DAPK3: variants seen among roughly 807,000 people sequenced by gnomAD.
DAPK3 encodes death-associated protein kinase 3.
DAPK3 carries 24 observed loss-of-function variants against 30.6 expected under a neutral mutation model. The ratio of observed to expected loss-of-function variants is 0.78; its 90% confidence interval spans 0.57 to 1.10. DAPK3 has a LOEUF of 1.10. Ranked by LOEUF, DAPK3 falls within the 50% of genes least tolerant of loss-of-function variation. The pLI is 0.00. For synonymous variants in DAPK3, 341 were observed against 284.0 expected, an observed-to-expected ratio of 1.20 and a Z score of -2.02; for missense variants, 629 against 657.3, an observed-to-expected ratio of 0.96 and a Z score of 0.47.
intron 2 of DAPK3, among the ~76,000 whole-genome samples, 183 bp from the exon 3 acceptor site, chr19:3,965,174 C>T (rs1431974103): frequency 6.6e-6 from 1 of 152,192 alleles, no homozygotes; most frequent in Non-Finnish European, 1.5e-5. Context: ...AATTCCTTAG[C>T]GCCCCACACC....
At chr19:3,965,899 C>G (rs2039573411) in intron 2 of DAPK3, among the ~76,000 whole-genome samples, 1 of 152,062 alleles carries the variant, frequency 6.6e-6, no homozygotes, top group Admixed American at 6.6e-5. Context: ...CTCCTGGGCT[C>G]AAGTGATCCC....
At chr19:3,963,576 A>G in intron 6 of DAPK3, 67 bp downstream of exon 6, 1 of 1,035,252 alleles carries the variant, frequency 9.7e-7, no homozygotes, top group Non-Finnish European at 1.4e-6. Context: ...TCCACATGAG[A>G]CACACGGAGC....
At chr19:3,965,090 G>A (rs111857872) in intron 2 of DAPK3, 99 bp from the exon 3 acceptor site, 126 of 673,914 alleles carry the variant, frequency 1.9e-4, no homozygotes, top group Middle Eastern at 1.8e-3. Flanking sequence ...TCTTGGGCGC[G>A]GCCCTGCACC....
chr19:3,964,153 A>T, intron 4 of DAPK3, 91 bp downstream of exon 4: 2 of 1,200,728 alleles, frequency 1.7e-6, no homozygotes, highest in Non-Finnish European at 2.4e-6. Context: ...AGGACGCGGC[A>T]CCCAGCACCG....
rs1407051336 is a variant in DAPK3 at position 3,959,042 on chromosome 19, A to G, written c.*59T>C. On this transcript the variant is annotated 3_prime_UTR_variant, in exon 9 of 9. Coordinates refer to ENST00000545797, the MANE Select transcript of DAPK3 (RefSeq NM_001348.3). ...GATGGGAGGCGCAGCGTCCACAGGA[A>G]GCGCCCCCACCGCAGGCCGAGCTCC... 1.8e-6 allele frequency: 2 copies of G among 1,123,262 alleles called. No homozygotes were observed. Among genetic ancestry groups the G allele is most frequent in the African/African-American group, 3.2e-5 (2 of 62,094 alleles). 69.6% of individuals were successfully genotyped at this position (1,123,262 alleles called of 1,614,324 possible).
chr19:3,966,829 C>T (rs2039581851), intron 2 of DAPK3, among the ~76,000 whole-genome samples: 1 of 151,956 alleles, frequency 6.6e-6, no homozygotes, highest in African/African-American at 2.4e-5. Flanking sequence ...CAGCCGCCCA[C>T]CTCCAGACAG....
chr19:3,966,873 A>G (rs1346918400), intron 2 of DAPK3, among the ~76,000 whole-genome samples: 1 of 152,188 alleles, frequency 6.6e-6, no homozygotes, highest in Non-Finnish European at 1.5e-5. Flanking sequence ...CTTGCTCCTT[A>G]GAGGCAAGGC....
At chr19:3,965,642 G>C (rs750820399) in intron 2 of DAPK3, among the ~76,000 whole-genome samples, 1 of 129,020 alleles carries the variant, frequency 7.8e-6, no homozygotes, top group Non-Finnish European at 1.6e-5. Flanking sequence ...TGCAAGGCAA[G>C]TGCCAGATCC....
rs1436909389 is a variant in DAPK3, at chr19:3,958,786, C to T, written c.*315G>A. ...GCCTGAACCAGGGCTGCATTCGGGC[C>T]GCCTCTGCGCCTCGGTGGGTCCCAA... On this transcript the variant is annotated 3_prime_UTR_variant, in exon 9 of 9. Transcript: ENST00000545797. 5 of 546,930 alleles carry T rather than the reference C, an allele frequency of 9.1e-6. No individual in the cohort carries two copies. In the East Asian group the frequency reaches 1.6e-4, roughly 18 times the overall value. The allele number at this position is 546,930 out of a possible 1,614,324, so 33.9% of individuals were successfully genotyped here. A position where few individuals can be genotyped will look rare whatever the true frequency, so the allele number is the denominator to read the frequency against.
intron 7 of DAPK3, 71 bp downstream of exon 7, chr19:3,960,938 C>A: frequency 6.5e-7 from 1 of 1,543,362 alleles, no homozygotes; most frequent in South Asian, 1.2e-5. Flanking sequence ...GGAGAGTCCT[C>A]TGGAGCCTCC....
Position 3,959,430 on chromosome 19 carries a change from G to C in DAPK3, c.1036C>G (p.Arg346Gly), listed in dbSNP as rs1397582555. ...TCCACGTCCTCGTGGCAGAGCCGCC[G>C]GCTGCGCTGCAGCTCGCGCAGGCCC... ...EEGLRELQRS[R>G]RLCHEDVEAL... Residue 346 changes from arginine (R) to glycine (G), a missense_variant, in exon 9 of 9, where the codon CGG becomes GGG. By Grantham distance (125) the Arg-to-Gly change is moderately radical (BLOSUM62 -2). Around this residue, in one of 2 missense-constraint regions of DAPK3, gnomAD observed 323 missense variants for 278.8 expected, o/e 1.16. Transcript: ENST00000545797. 2.6e-6 allele frequency: 4 copies of C among 1,552,054 alleles called. No individual in the cohort carries two copies. Among genetic ancestry groups the C allele is most frequent in the Admixed American group, 1.9e-5 (1 of 52,886 alleles).
chr19:3,960,610 C>G (rs939640708), intron 7 of DAPK3, among the ~76,000 whole-genome samples: 2 of 151,956 alleles, frequency 1.3e-5, no homozygotes, highest in Admixed American at 6.6e-5. Flanking sequence ...GAAGCCCTGT[C>G]TCTACTAAAA....
Position 3,959,429 on chromosome 19 carries a change from C to G in DAPK3, c.1037G>C (p.Arg346Pro). 2 of 1,552,034 alleles carry G rather than the reference C, an allele frequency of 1.3e-6. No individual in the cohort carries two copies. Among genetic ancestry groups the G allele is most frequent in the Non-Finnish European group, 1.7e-6 (2 of 1,155,584 alleles). ...CTCCACGTCCTCGTGGCAGAGCCGC[C>G]GGCTGCGCTGCAGCTCGCGCAGGCC... ...EEGLRELQRSRRLCHEDVEAL... is the reference protein window; with the variant it reads ...EEGLRELQRSPRLCHEDVEAL... The change falls in exon 9 of 9, where the codon CGG becomes CCG. Residue 346 changes from arginine to proline, a missense_variant. Physicochemically the swap from Arg to Pro is moderately radical, Grantham distance 103. Transcript: ENST00000545797.
intron 2 of DAPK3, among the ~76,000 whole-genome samples, chr19:3,967,345 G>A (rs537394170): frequency 2.0e-5 from 3 of 152,210 alleles, no homozygotes; most frequent in East Asian, 1.9e-4. Context: ...CCAGCTACTC[G>A]GGAGGCTGAG....
In DAPK3 at chr19:3,959,121, C is replaced by G. The variant is rs1435109615; in HGVS notation, c.1345G>C (p.Val449Leu). 1 of 1,565,628 alleles carries G rather than the reference C, an allele frequency of 6.4e-7. No homozygotes were observed. Among genetic ancestry groups the G allele is most frequent in the South Asian group, 1.1e-5 (1 of 87,054 alleles). ...TGCGCCTAGCGCAGCCCGCACTCCACGCCCTGCAGCTTCTCCTGCTCCAGG... is the reference window on the plus strand; with the variant it reads ...TGCGCCTAGCGCAGCCCGCACTCCAGGCCCTGCAGCTTCTCCTGCTCCAGG... ...RALEQEKLQGVECGLR is the reference protein window; with the variant it reads ...RALEQEKLQGLECGLR The change falls in exon 9 of 9, where the codon GTG becomes CTG. Residue 449 changes from valine (V) to leucine (L), a missense_variant. Physicochemically the swap from Val to Leu is conservative, Grantham distance 32. Around this residue, in one of 2 missense-constraint regions of DAPK3, gnomAD observed 323 missense variants for 278.8 expected, o/e 1.16. Coordinates refer to ENST00000545797, the MANE Select transcript of DAPK3 (RefSeq NM_001348.3).
chr19:3,958,839 C>T lies in DAPK3; in HGVS notation c.*262G>A. Reference sequence around the variant, plus strand: ...CTCACGGTGCCACAGGCCACGCTGCCTGGAGGGTCCCAGGGTCACCGACGA... The same window carrying T: ...CTCACGGTGCCACAGGCCACGCTGCTTGGAGGGTCCCAGGGTCACCGACGA... On this transcript the variant is annotated 3_prime_UTR_variant, in exon 9 of 9. Transcript: ENST00000545797. 1 of 581,178 alleles carries T rather than the reference C, an allele frequency of 1.7e-6. No individual in the cohort carries two copies. The highest frequency in any genetic ancestry group is 3.1e-6 in the Non-Finnish European group (1 of 325,972). The allele number at this position is 581,178 out of a possible 1,614,324, so 36.0% of individuals were successfully genotyped here.
chr19:3,969,771 G>A lies in DAPK3; in HGVS notation c.-36C>T. On this transcript the variant is annotated 5_prime_UTR_variant, in exon 2 of 9. Transcript: ENST00000545797. ...CCGCCTTCCAGCAGCTTCCACTCCA[G>A]GGAAAGTGCAGTCACCGCAGCCTGG... 1 of 1,550,700 alleles carries A rather than the reference G, an allele frequency of 6.4e-7. No individual in the cohort carries two copies. Among genetic ancestry groups the A allele is most frequent in the Non-Finnish European group, 8.9e-7 (1 of 1,125,492 alleles).
intron 2 of DAPK3, among the ~76,000 whole-genome samples, chr19:3,969,009 A>G (rs2039607796): frequency 6.6e-6 from 1 of 152,246 alleles, no homozygotes; most frequent in African/African-American, 2.4e-5. Context: ...TCCCACAAGC[A>G]TGTTAAACAA....
Position 3,964,382 on chromosome 19 carries a change from G to A in DAPK3, c.424-9C>T. 6.2e-7 allele frequency: 1 copy of A among 1,609,894 alleles called. No homozygotes were observed. The highest frequency in any genetic ancestry group is 8.5e-7 in the Non-Finnish European group (1 of 1,177,010). ...AGCATGATGTTTTCCGGCTGGGGTG[G>A]GAGGAGGCTCAGCAGGGAAAGCACG... On this transcript the variant is annotated splice_polypyrimidine_tract_variant and intron_variant, in intron 3 of 8. Coordinates refer to ENST00000545797, the MANE Select transcript of DAPK3 (RefSeq NM_001348.3).
Sources: gnomAD v4.1 joint callset for allele counts (sites outside exome capture counted in the v4.1 genomes callset) on GRCh38, gnomAD v4.1.1 for gene constraint, gnomAD v4.1.1 regional missense constraint, MANE v1.5 for transcripts, NCBI Gene and HGNC (gene_info 2026-07-23, HGNC 2026-07-21) for gene names.